CCDC88A: variants seen among roughly 807,000 people sequenced by gnomAD.
CCDC88A encodes coiled-coil and HOOK domain protein 88A, also known as girdin.
In CCDC88A, 54 loss-of-function variants were observed where a neutral mutation model predicts 234.3. The ratio of observed to expected loss-of-function variants is 0.23; its 90% CI spans 0.19 to 0.29. CCDC88A has a LOEUF of 0.29. CCDC88A is among the 10% of genes least tolerant of loss of function. CCDC88A has a pLI of 1.00. For synonymous variants in CCDC88A, 753 were observed against 737.8 expected, an observed-to-expected ratio of 1.02 and a Z score of -0.33; for missense variants, 1,832 against 2,123.4, an observed-to-expected ratio of 0.86 and a Z score of 2.70.
chr2:55,368,506 T>C (rs1029177021), intron 5 of CCDC88A, among the ~76,000 whole-genome samples: 29 of 152,028 alleles, frequency 1.9e-4, no homozygotes, highest in African/African-American at 6.3e-4. Flanking sequence ...TTTTTTTTTG[T>C]ATAAATAGAG....
chr2:55,318,778 C>T, intron 19 of CCDC88A, 65 bp downstream of exon 19: 1 of 1,228,288 alleles, frequency 8.1e-7, no homozygotes, highest in East Asian at 2.5e-5. Context: ...CATGTTTACC[C>T]TCCCTTATTT....
chr2:55,398,861 C>A (rs1417300681), intron 2 of CCDC88A, among the ~76,000 whole-genome samples: 2 of 150,304 alleles, frequency 1.3e-5, no homozygotes, highest in Non-Finnish European at 3.0e-5. Flanking sequence ...CAAGACCCTG[C>A]CTAACAAAAA....
chr2:55,413,518 A>G lies in CCDC88A; in HGVS notation c.164+5298T>C, dbSNP rs147140594. On this transcript the variant is annotated intron_variant, in intron 2 of 32. Coordinates refer to ENST00000436346, the MANE Select transcript of CCDC88A (RefSeq NM_001365480.1). ...ACCCAAGTCTATGTCTATCTGACAT[A>G]AGGCTCAAATTCATTCCACTTTACT... is the stretch of plus-strand genomic sequence containing the variant. Among the ~76,000 whole-genome samples the G allele has an allele frequency of 6.7e-3, 1,018 of 152,312 alleles. 8 individuals are homozygous for G. Among genetic ancestry groups the G allele is most frequent in the Non-Finnish European group, 0.011 (728 of 68,022 alleles).
In CCDC88A at chr2:55,419,123, C is replaced by A. The variant is rs377238103; in HGVS notation, c.-44G>T. 154 of 1,181,672 alleles carry A rather than the reference C, an allele frequency of 1.3e-4. 1 individual carries two copies. The African/African-American group carries it at 1.8e-3, about 14-fold the overall frequency. The allele number at this position is 1,181,672 out of a possible 1,614,324, so 73.2% of individuals were successfully genotyped here. On this transcript the variant is annotated 5_prime_UTR_variant, in exon 1 of 33. Transcript: ENST00000436346. ...GAAAAAAGGAACTACCACAAAAATA[C>A]GCCTAGGGAATTGGTCACTAAACGT... is the stretch of plus-strand genomic sequence containing the variant.
At chr2:55,354,240 A>G (rs1670270495) in intron 8 of CCDC88A, among the ~76,000 whole-genome samples, 1 of 151,380 alleles carries the variant, frequency 6.6e-6, no homozygotes, top group Non-Finnish European at 1.5e-5. Context: ...TCCTGGGTTC[A>G]AGCGATTCTC....
rs1389797046 is a variant in CCDC88A at position 55,386,455 on chromosome 2, G to GATTTT, written c.273+2322_273+2323insAAAAT. ...TCTCTTTTTTATTTTATTTTTTGTA[G>GATTTT]ATTGTATTTTATTTTATTTTATTTT... On this transcript the variant is annotated intron_variant, in intron 3 of 32. Transcript: ENST00000436346. 1.8e-4 allele frequency among the ~76,000 whole-genome samples: 7 copies of GATTTT among 38,344 alleles called. No homozygotes were observed. The Admixed American group carries it at 2.0e-3, about 11-fold the overall frequency. 25.2% of individuals were successfully genotyped at this position (38,344 alleles called of 152,430 possible). A position where few individuals can be genotyped will look rare whatever the true frequency, so the allele number is the denominator to read the frequency against.
At chr2:55,363,902 C>A in intron 6 of CCDC88A, 48 bp downstream of exon 6, 1 of 1,010,486 alleles carries the variant, frequency 9.9e-7, no homozygotes, top group Non-Finnish European at 1.5e-6. Flanking sequence ...CAAATAAACA[C>A]ACCACAAGCT....
At chr2:55,310,283 G>C (rs1283435596) in intron 23 of CCDC88A, among the ~76,000 whole-genome samples, 1 of 152,102 alleles carries the variant, frequency 6.6e-6, no homozygotes, top group African/African-American at 2.4e-5. Flanking sequence ...AGGATATATC[G>C]GAAAGAGTGG....
At chr2:55,403,295 A>G (rs1679023323) in intron 2 of CCDC88A, 2 of 152,234 alleles carry the variant, frequency 1.3e-5, no homozygotes, top group South Asian at 4.1e-4. Flanking sequence ...AACCATGAGT[A>G]CTTTTTCTTG....
At chr2:55,389,694 C>T (rs1676272753) in intron 2 of CCDC88A, among the ~76,000 whole-genome samples, 1 of 151,952 alleles carries the variant, frequency 6.6e-6, no homozygotes, top group African/African-American at 2.4e-5. Flanking sequence ...TTGATGACTC[C>T]AAACAATTTT....
intron 22 of CCDC88A, 180 bp from the exon 23 acceptor site, chr2:55,312,759 G>GTC: frequency 4.1e-6 from 2 of 484,402 alleles, no homozygotes; most frequent in South Asian, 3.6e-5. Flanking sequence ...GTTACATGCT[G>GTC]TCTCTCTCTC....
In CCDC88A at chr2:55,384,299, T is replaced by A. The variant is rs1226638972; in HGVS notation, c.273+4479A>T. 2.8e-5 allele frequency among the ~76,000 whole-genome samples: 4 copies of A among 141,496 alleles called. No homozygotes were observed. In the Admixed American group the frequency reaches 3.0e-4, roughly 11 times the overall value. 92.8% of individuals were successfully genotyped at this position (141,496 alleles called of 152,430 possible). On this transcript the variant is annotated intron_variant, in intron 3 of 32. Transcript: ENST00000436346. Reference sequence around the variant, plus strand: ...GAGATTGCACCACTGCACTCCAGCCTGGGTGACAGAGCAAAACTCCATCTC... The same window carrying A: ...GAGATTGCACCACTGCACTCCAGCCAGGGTGACAGAGCAAAACTCCATCTC...
rs572853387 is a variant in CCDC88A, at chr2:55,335,248, G to A, written c.1657-84C>T. On this transcript the variant is annotated intron_variant, in intron 14 of 32. Coordinates refer to ENST00000436346, the MANE Select transcript of CCDC88A (RefSeq NM_001365480.1). The surrounding 1 kb of genome is among the most constrained non-coding windows in gnomAD (Gnocchi z 4.5). ...TCTCTTCCAAAAACTACCAAGAAAA[G>A]GGGAACAAAAAAAGGGTGCTAGAAC... 1.2e-6 allele frequency: 1 copy of A among 859,276 alleles called. No homozygotes were observed. Among genetic ancestry groups the A allele is most frequent in the East Asian group, 2.8e-5 (1 of 36,272 alleles). The allele number at this position is 859,276 out of a possible 1,614,324, so 53.2% of individuals were successfully genotyped here. A position where few individuals can be genotyped will look rare whatever the true frequency, so the allele number is the denominator to read the frequency against.
At position 55,332,394 on chromosome 2, in the gene CCDC88A, T is replaced by G; in HGVS notation, c.2855+172A>C. On this transcript the variant is annotated intron_variant, in intron 16 of 32. Coordinates refer to ENST00000436346, the MANE Select transcript of CCDC88A (RefSeq NM_001365480.1). The surrounding 1 kb of genome is among the most constrained non-coding windows in gnomAD (Gnocchi z 4.5). ...GCTTCAGCCTCCCAAAGTGCTGGGATTATAGGTGTGAGCCACCGCACCCGG... is the reference window on the plus strand; with the variant it reads ...GCTTCAGCCTCCCAAAGTGCTGGGAGTATAGGTGTGAGCCACCGCACCCGG... 2.5e-6 allele frequency: 3 copies of G among 1,194,232 alleles called. No homozygotes were observed. The highest frequency in any genetic ancestry group is 3.2e-6 in the Non-Finnish European group (3 of 939,278). The allele number at this position is 1,194,232 out of a possible 1,614,324, so 74.0% of individuals were successfully genotyped here. A position where few individuals can be genotyped will look rare whatever the true frequency, so the allele number is the denominator to read the frequency against.
In CCDC88A at chr2:55,290,653, G is replaced by T. The variant is rs1278522024; in HGVS notation, c.*547C>A. On this transcript the variant is annotated 3_prime_UTR_variant, in exon 33 of 33. Coordinates refer to ENST00000436346, the MANE Select transcript of CCDC88A (RefSeq NM_001365480.1). The stretch of plus-strand genomic sequence containing the variant: ...GAAAAAAAAAGTATCAACACATGCA[G>T]TCTGCTAACCAAATAAGGCTCTGAC... 1 of 152,386 alleles carries T rather than the reference G, an allele frequency of 6.6e-6. No homozygotes were observed. Among genetic ancestry groups the T allele is most frequent in the Non-Finnish European group, 1.5e-5 (1 of 67,904 alleles). The allele number at this position is 152,386 out of a possible 1,614,324, so 9.4% of individuals were successfully genotyped here. A position where few individuals can be genotyped will look rare whatever the true frequency, so the allele number is the denominator to read the frequency against.
At chr2:55,364,232 A>G (rs905940592) in intron 5 of CCDC88A, 199 bp from the exon 6 acceptor site, 1 of 407,662 alleles carries the variant, frequency 2.5e-6, no homozygotes, top group African/African-American at 2.1e-5. Context: ...AGGCACTGAA[A>G]ATCCATACTA....
At chr2:55,374,765 A>T in intron 4 of CCDC88A, 49 bp downstream of exon 4, 2 of 1,137,260 alleles carry the variant, frequency 1.8e-6, no homozygotes, top group Non-Finnish European at 2.6e-6. Context: ...ACATCATAGT[A>T]TTACACAAAG....
chr2:55,370,774 G>A (rs879544138), intron 5 of CCDC88A, among the ~76,000 whole-genome samples: 5 of 150,990 alleles, frequency 3.3e-5, no homozygotes, highest in Admixed American at 1.3e-4. Context: ...TTGGGAGGCC[G>A]AGGCAGGAAG....
intron 8 of CCDC88A, among the ~76,000 whole-genome samples, chr2:55,352,436 AC>A (rs1459621175): frequency 1.7e-4 from 24 of 142,634 alleles, no homozygotes; most frequent in Middle Eastern, 3.5e-3. Flanking sequence ...CAAAAAAAAA[AC>A]ACACAAAAAA....
Sources: gnomAD v4.1 joint callset for allele counts (sites outside exome capture counted in the v4.1 genomes callset) on GRCh38, gnomAD v4.1.1 for gene constraint, Gnocchi (gnomAD v3.1) non-coding constraint, MANE v1.5 for transcripts, NCBI Gene and HGNC (gene_info 2026-07-23, HGNC 2026-07-21) for gene names.